ZC4H2: variants seen among roughly 807,000 people sequenced by gnomAD.
ZC4H2 encodes zinc finger C4H2-type containing.
For synonymous variants in ZC4H2, 84 were observed against 66.3 expected (o/e 1.27, Z -1.30); for missense variants, 137 against 173.9 (o/e 0.79, Z 1.19).
intron 1 of ZC4H2, among the ~76,000 whole-genome samples, chrX:64,943,659 T>G: frequency 1.8e-5 from 2 of 111,806 alleles, no homozygotes; most frequent in Middle Eastern, 9.3e-3. Flanking sequence ...CCCCTGCTTT[T>G]TTTTTGCTTT....
chrX:64,917,876 C>T lies in ZC4H2; in HGVS notation c.582G>A (p.Gln194=). Residue 194 remains glutamine (Q), a synonymous_variant, in exon 5 of 5, where the codon CAG becomes CAA. Coordinates refer to ENST00000374839, the MANE Select transcript of ZC4H2 (RefSeq NM_018684.4). ...PPMKACLSCH[Q]QIHRNAPICP... ...ATATAGGTGCATTCCGGTGAATTTG[C>T]TGGTGACATGACAAGCAGGCCTGGT... 1 of 1,209,688 alleles carries T rather than the reference C, an allele frequency of 8.3e-7. No individual in the cohort carries two copies. Among genetic ancestry groups the T allele is most frequent in the South Asian group, 1.8e-5 (1 of 56,520 alleles).
intron 1 of ZC4H2, chrX:64,922,260 G>GAAAA: frequency 4.9e-6 from 1 of 202,418 alleles, no homozygotes; most frequent in Non-Finnish European, 7.5e-6. Context: ...AAAAAAAAAA[G>GAAAA]AAAAAGAAAA....
At position 64,950,840 on chromosome X, in the gene ZC4H2, T is replaced by A. The variant is rs1259369357; in HGVS notation, c.53+25485A>T. On this transcript the variant is annotated intron_variant, in intron 1 of 4. Transcript: ENST00000374839. ...TATTATTATACTTTAAGGTTTAGAG[T>A]ACATGTCCACAATGTGCAGGTTAGT... is the stretch of plus-strand genomic sequence containing the variant. Among the ~76,000 whole-genome samples, 10 of 110,504 alleles carry A rather than the reference T, an allele frequency of 9.0e-5. No homozygotes were observed. In the Admixed American group the frequency reaches 9.7e-4, roughly 11 times the overall value.
chrX:64,922,078 A>G, intron 1 of ZC4H2, 90 bp from the exon 2 acceptor site: 9 of 1,138,771 alleles, frequency 7.9e-6, no homozygotes, highest in Non-Finnish European at 1.0e-5. Flanking sequence ...CCATCTTTAC[A>G]AGCTTCCCCC....
At chrX:64,966,410 A>G (rs1176936021) in intron 1 of ZC4H2, among the ~76,000 whole-genome samples, 3 of 112,604 alleles carry the variant, frequency 2.7e-5, no homozygotes, top group African/African-American at 9.7e-5. Flanking sequence ...AAAGTTATAC[A>G]TATACTTACA....
Position 64,949,468 on chromosome X carries a change from T to C in ZC4H2, c.53+26857A>G, listed in dbSNP as rs543382980. Reference sequence around the variant, plus strand: ...ATTTGATGGCCTTCCCAAAATCAAATTGCAGCTTCAAAATTATATTATGCG... The same window carrying C: ...ATTTGATGGCCTTCCCAAAATCAAACTGCAGCTTCAAAATTATATTATGCG... On this transcript the variant is annotated intron_variant, in intron 1 of 4. Coordinates refer to ENST00000374839, the MANE Select transcript of ZC4H2 (RefSeq NM_018684.4). 9.0e-5 allele frequency among the ~76,000 whole-genome samples: 10 copies of C among 111,619 alleles called. No individual in the cohort carries two copies. In the East Asian group the frequency reaches 1.7e-3, roughly 19 times the overall value.
chrX:64,925,726 T>A (rs1929397960), intron 1 of ZC4H2, among the ~76,000 whole-genome samples: 1 of 112,178 alleles, frequency 8.9e-6, no homozygotes, highest in Non-Finnish European at 1.9e-5. Context: ...ATTTTTCACC[T>A]CATGTGTCCA....
At chrX:64,990,793 A>T (rs774505245) in intron 1 of ZC4H2, among the ~76,000 whole-genome samples, 5 of 110,999 alleles carry the variant, frequency 4.5e-5, no homozygotes, top group Admixed American at 9.6e-5. Flanking sequence ...TTCCCCTCAG[A>T]TGAATTATTC....
chrX:64,975,879 C>G (rs1373549919), intron 1 of ZC4H2, among the ~76,000 whole-genome samples: 1 of 111,343 alleles, frequency 9.0e-6, no homozygotes, highest in Non-Finnish European at 1.9e-5. Context: ...AGTTGGCAGC[C>G]CCTGGCAGCA....
chrX:64,962,424 C>T (rs192952067), intron 1 of ZC4H2, among the ~76,000 whole-genome samples: 1 of 111,193 alleles, frequency 9.0e-6, no homozygotes, highest in East Asian at 2.8e-4. Flanking sequence ...ACAATAAAAG[C>T]CATATATGAA....
chrX:64,945,900 A>G (rs1478461708), intron 1 of ZC4H2, among the ~76,000 whole-genome samples: 1 of 110,430 alleles, frequency 9.1e-6, no homozygotes, highest in Non-Finnish European at 1.9e-5. Context: ...CCACCTACTC[A>G]AGTCTCAGTA....
At chrX:64,957,930 T>C (rs1931222239) in intron 1 of ZC4H2, among the ~76,000 whole-genome samples, 1 of 109,797 alleles carries the variant, frequency 9.1e-6, no homozygotes, top group African/African-American at 3.3e-5. Flanking sequence ...CTACACAGGG[T>C]TAGGATTGTC....
chrX:65,003,876 CA>C (rs767902610), intron 1 of ZC4H2, among the ~76,000 whole-genome samples: 1,369 of 73,493 alleles, frequency 0.019, 18 homozygotes, highest in African/African-American at 0.05. Context: ...AACTATGTCT[CA>C]AAAAAAAAAA....
At chrX:64,967,906 C>T (rs1931645886) in intron 1 of ZC4H2, among the ~76,000 whole-genome samples, 1 of 111,787 alleles carries the variant, frequency 8.9e-6, no homozygotes, top group Admixed American at 9.5e-5. Flanking sequence ...TCTGCTTTGG[C>T]CATAAGCGGG....
At chrX:64,964,033 A>G (rs900136695) in intron 1 of ZC4H2, among the ~76,000 whole-genome samples, 2 of 110,737 alleles carry the variant, frequency 1.8e-5, no homozygotes, top group Admixed American at 1.9e-4. Context: ...TAGGAACTGA[A>G]GGAGGGGGAA....
intron 1 of ZC4H2, among the ~76,000 whole-genome samples, chrX:64,930,026 G>C (rs1022060101): frequency 9.0e-6 from 1 of 111,547 alleles, no homozygotes; most frequent in South Asian, 3.7e-4. Flanking sequence ...CCATTTGTTT[G>C]TGTCATCTAT....
chrX:64,929,214 A>T (rs1442259414), intron 1 of ZC4H2, among the ~76,000 whole-genome samples: 3 of 108,676 alleles, frequency 2.8e-5, no homozygotes, highest in Non-Finnish European at 5.7e-5. Context: ...TTTTGATGGG[A>T]TTTTTTTTGT....
At chrX:64,918,905 C>T (rs1408721926) in intron 4 of ZC4H2, 137 bp downstream of exon 4, 1 of 796,675 alleles carries the variant, frequency 1.3e-6, no homozygotes, top group Non-Finnish European at 1.7e-6. Flanking sequence ...CATGTCACCC[C>T]TTCCACTGTG....
At chrX:65,005,798 G>T (rs1407298627) in intron 1 of ZC4H2, among the ~76,000 whole-genome samples, 5 of 110,217 alleles carry the variant, frequency 4.5e-5, no homozygotes, top group Non-Finnish European at 9.5e-5. Context: ...GAGTATTTTT[G>T]CAATCTGTCC....
Sources: allele counts gnomAD v4.1 joint callset (sites outside exome capture counted in the v4.1 genomes callset), GRCh38; gene constraint gnomAD v4.1.1; transcripts MANE v1.5; gene names NCBI Gene and HGNC (gene_info 2026-07-23, HGNC 2026-07-21).